LUZP1: variants seen among roughly 807,000 people sequenced by gnomAD.
LUZP1 encodes leucine zipper protein 1.
LUZP1 carries 25 observed loss-of-function variants against 71.3 expected under a neutral mutation model. The ratio of observed to expected loss-of-function variants is 0.35; its 90% CI spans 0.26 to 0.49. LUZP1 has a LOEUF of 0.49. Ranked by LOEUF, LUZP1 falls within the 20% of genes least tolerant of loss-of-function variation. The probability of loss-of-function intolerance (pLI) is 0.99; values close to 1 mark genes in which losing one functional copy is unlikely to be tolerated. For synonymous variants in LUZP1, 481 were observed against 506.4 expected, an observed-to-expected ratio of 0.95 and a Z score of 0.67; for missense variants, 1,142 against 1,300.8, an observed-to-expected ratio of 0.88 and a Z score of 1.88.
chr1:23,114,934 T>C (rs1056074180), intron 2 of LUZP1, among the ~76,000 whole-genome samples: 4 of 152,216 alleles, frequency 2.6e-5, no homozygotes, highest in Non-Finnish European at 5.9e-5. Context: ...TCCTTTCCAA[T>C]AACACTATGA....
chr1:23,157,913 G>A lies in LUZP1; in HGVS notation c.-226+10853C>T, dbSNP rs1644432761. On this transcript the variant is annotated intron_variant, in intron 2 of 4. Coordinates refer to ENST00000302291, the Ensembl canonical transcript of LUZP1. ...AGTAGCCCTAGCTACTCAGGAGGCT[G>A]AGGCAGGAGGATCGCTTGAGCCCAG... Among the ~76,000 whole-genome samples the A allele has an allele frequency of 2.0e-5, 3 of 151,854 alleles. No homozygotes were observed. The South Asian group carries it at 6.2e-4, about 32-fold the overall frequency.
intron 4 of LUZP1, among the ~76,000 whole-genome samples, chr1:23,089,964 T>C (rs1187714050): frequency 6.6e-6 from 1 of 152,186 alleles, no homozygotes; most frequent in African/African-American, 2.4e-5. Context: ...TTCACTATAT[T>C]GTCCAGGCTG....
At chr1:23,103,496 C>T (rs140428037) in intron 3 of LUZP1, among the ~76,000 whole-genome samples, 15 of 152,082 alleles carry the variant, frequency 9.9e-5, no homozygotes, top group Admixed American at 3.9e-4. Flanking sequence ...CCACTCAATG[C>T]GGACGTTATC....
At chr1:23,137,171 C>T (rs148802003) in intron 2 of LUZP1, among the ~76,000 whole-genome samples, 14 of 152,208 alleles carry the variant, frequency 9.2e-5, no homozygotes, top group South Asian at 4.1e-4. Context: ...CAGTAAGAGA[C>T]GAGTATCCAG....
At chr1:23,111,872 A>T (rs1413129519) in intron 2 of LUZP1, among the ~76,000 whole-genome samples, 3 of 151,728 alleles carry the variant, frequency 2.0e-5, no homozygotes, top group African/African-American at 7.3e-5. Flanking sequence ...AAAAATTCTG[A>T]ACTCTAAGAA....
At chr1:23,101,710 T>C (rs890559939) in intron 3 of LUZP1, among the ~76,000 whole-genome samples, 6 of 152,234 alleles carry the variant, frequency 3.9e-5, no homozygotes, top group African/African-American at 1.4e-4. Context: ...CACTTATCTC[T>C]GACCTTTTGG....
chr1:23,145,344 C>T lies in LUZP1; in HGVS notation c.-226+23422G>A, dbSNP rs148858191. Among the ~76,000 whole-genome samples, 363 of 152,260 alleles carry T rather than the reference C, an allele frequency of 2.4e-3. 5 individuals carry two copies. Among genetic ancestry groups the T allele is most frequent in the African/African-American group, 8.0e-3 (334 of 41,556 alleles). ...AGGAAATGTTAAAGTACTTGAAAAA[C>T]TTAAAAGCATAACACAATAATAATA... is the stretch of plus-strand genomic sequence containing the variant. On this transcript the variant is annotated intron_variant, in intron 2 of 4. Transcript: ENST00000302291.
At chr1:23,117,506 CTG>C (rs1491478415) in intron 2 of LUZP1, among the ~76,000 whole-genome samples, 7 of 39,694 alleles carry the variant, frequency 1.8e-4, no homozygotes, top group Admixed American at 5.6e-4. Context: ...TCAGGAAGCC[CTG>C]GGGGGGGGGG....
intron 2 of LUZP1, chr1:23,109,776 T>TA (rs540108160): frequency 1.3e-5 from 2 of 152,278 alleles, no homozygotes; most frequent in East Asian, 1.9e-4. Context: ...ATATTTTTTT[T>TA]AAAAATCTGA....
chr1:23,143,015 CTTTTTTG>C (rs974061163), intron 2 of LUZP1, among the ~76,000 whole-genome samples: 4 of 150,120 alleles, frequency 2.7e-5, no homozygotes, highest in African/African-American at 4.9e-5. Context: ...TTTTTTTTTT[CTTTTTTG>C]TTTTTTGATA....
At chr1:23,114,887 G>T (rs1350783550) in intron 2 of LUZP1, among the ~76,000 whole-genome samples, 1 of 152,112 alleles carries the variant, frequency 6.6e-6, no homozygotes, top group Admixed American at 6.6e-5. Flanking sequence ...AAACAAAAAG[G>T]CCAGACTAAA....
chr1:23,125,428 C>T (rs1644164697), intron 2 of LUZP1, among the ~76,000 whole-genome samples: 1 of 152,044 alleles, frequency 6.6e-6, no homozygotes, highest in Admixed American at 6.6e-5. Context: ...TCTCAATATC[C>T]TATTCTCTTT....
chr1:23,145,595 G>A (rs1349521385), intron 2 of LUZP1, among the ~76,000 whole-genome samples: 1 of 151,240 alleles, frequency 6.6e-6, no homozygotes, highest in Non-Finnish European at 1.5e-5. Context: ...TCAGCCTCCT[G>A]AGTAGGTGGG....
exon 5 of LUZP1, chr1:23,084,659 TCTTA>T: frequency 6.6e-6 from 1 of 152,296 alleles, no homozygotes; most frequent in East Asian, 1.9e-4. Flanking sequence ...TTTTATTCTT[TCTTA>T]CTGTGAGTTA....
chr1:23,103,067 G>C (rs765768327), intron 3 of LUZP1, among the ~76,000 whole-genome samples: 2 of 151,398 alleles, frequency 1.3e-5, no homozygotes, highest in African/African-American at 4.9e-5. Flanking sequence ...CAAGCAGCTG[G>C]GACTCAGACA....
intron 2 of LUZP1, among the ~76,000 whole-genome samples, chr1:23,153,040 C>T (rs1380744560): frequency 1.3e-5 from 2 of 152,148 alleles, no homozygotes; most frequent in African/African-American, 4.8e-5. Context: ...CTATACAACA[C>T]TTCTTGATTA....
exon 4 of LUZP1, chr1:23,091,343 C>G: frequency 6.2e-7 from 1 of 1,614,144 alleles, no homozygotes; most frequent in South Asian, 1.1e-5. Flanking sequence ...TTCGAGTGCC[C>G]TGCTCAAAAA....
At chr1:23,111,825 T>A (rs1569589799) in intron 2 of LUZP1, among the ~76,000 whole-genome samples, 1 of 129,564 alleles carries the variant, frequency 7.7e-6, no homozygotes, top group East Asian at 2.3e-4. Flanking sequence ...ACACACACAC[T>A]CATCTTCTTC....
Position 23,093,012 on chromosome 1 carries a change from C to T in LUZP1, c.1250G>A (p.Ser417Asn), listed in dbSNP as rs1471038585. ...ACTGGGAGAAGAAACCTGCCTGTTG[C>T]TCAGAGAATAGTTTTCATTGTTGAG... is the stretch of plus-strand genomic sequence containing the variant. Residue 417 changes from serine to asparagine, a missense_variant, in exon 4 of 5, where the codon AGC (serine) becomes AAC (asparagine). Physicochemically the swap from Ser to Asn is conservative, Grantham distance 46. Coordinates refer to ENST00000302291, the Ensembl canonical transcript of LUZP1. This position sits in a 1 kb window ranked among gnomAD's most constrained non-coding sequence, Gnocchi z 4.2. 1.9e-6 allele frequency: 3 copies of T among 1,614,076 alleles called. No individual in the cohort carries two copies. In the Admixed American group the frequency reaches 5.0e-5, roughly 27 times the overall value.
Sources: allele counts gnomAD v4.1 joint callset (sites outside exome capture counted in the v4.1 genomes callset), GRCh38; gene constraint gnomAD v4.1.1; non-coding constraint Gnocchi (gnomAD v3.1); transcripts MANE v1.5; gene names NCBI Gene and HGNC (gene_info 2026-07-23, HGNC 2026-07-21).